The following LAMA1 variants were observed in gnomAD, a reference collection of about 807,000 sequenced individuals.
LAMA1 encodes the protein laminin subunit alpha 1.
Under a neutral mutation model 348.7 loss-of-function variants are expected in LAMA1, and 219 were observed. That is an observed-to-expected ratio of 0.63 (90% CI 0.56 to 0.70). The LOEUF is 0.70. Ranked by LOEUF, LAMA1 falls within the 30% of genes least tolerant of loss-of-function variation. The probability of loss-of-function intolerance (pLI) is 0.00; values close to 1 mark genes in which losing one functional copy is unlikely to be tolerated. For synonymous variants in LAMA1, 1,487 were observed against 1,491.0 expected, an observed-to-expected ratio of 1.00 and a Z score of 0.06; for missense variants, 3,744 against 3,888.0, an observed-to-expected ratio of 0.96 and a Z score of 0.99.
intron 3 of LAMA1, among the ~76,000 whole-genome samples, chr18:7,063,542 T>C (rs1056110516): frequency 1.3e-5 from 2 of 152,200 alleles, no homozygotes; most frequent in Admixed American, 6.5e-5. Flanking sequence ...CGAATACACA[T>C]GTACACCAAT....
At position 6,955,129 on chromosome 18, in the gene LAMA1, C is replaced by A. The variant is rs576542439; in HGVS notation, c.8207+224G>T. ...ACACAGAAAGGGGAAGCCAGCCACT[C>A]TCCAGAAGGGAAAAGGCAGAAACCA... On this transcript the variant is annotated intron_variant, in intron 57 of 62. Coordinates refer to ENST00000389658, the MANE Select transcript of LAMA1 (RefSeq NM_005559.4). 5 of 573,460 alleles carry A rather than the reference C, an allele frequency of 8.7e-6. No homozygotes were observed. The South Asian group carries it at 9.9e-5, about 11-fold the overall frequency. 35.5% of individuals were successfully genotyped at this position (573,460 alleles called of 1,614,324 possible). A position where few individuals can be genotyped will look rare whatever the true frequency, so the allele number is the denominator to read the frequency against.
chr18:7,015,581 A>G, intron 22 of LAMA1, 141 bp downstream of exon 22: 1 of 1,010,788 alleles, frequency 9.9e-7, no homozygotes, highest in Non-Finnish European at 1.5e-6. Flanking sequence ...TGCCTGGCCC[A>G]CATTGAGTTT....
At chr18:7,048,102 T>C (rs1052893903) in intron 5 of LAMA1, among the ~76,000 whole-genome samples, 2 of 152,234 alleles carry the variant, frequency 1.3e-5, no homozygotes, top group African/African-American at 4.8e-5. Context: ...AGAACGGATA[T>C]GTTTGCAATA....
intron 58 of LAMA1, among the ~76,000 whole-genome samples, 156 bp from the exon 59 acceptor site, chr18:6,949,415 G>A (rs772681034): frequency 4.6e-5 from 7 of 152,198 alleles, no homozygotes; most frequent in Admixed American, 2.0e-4. Context: ...AGTTGGTGAC[G>A]AAAAGTGGAT....
At chr18:6,999,725 T>C (rs2057799213) in intron 31 of LAMA1, 87 bp from the exon 32 acceptor site, 4 of 1,285,816 alleles carry the variant, frequency 3.1e-6, no homozygotes, top group East Asian at 2.5e-5. Flanking sequence ...CCAAATGAAA[T>C]GCAAAGCACA....
At chr18:7,068,557 ACT>A (rs1335621927) in intron 3 of LAMA1, among the ~76,000 whole-genome samples, 2 of 152,192 alleles carry the variant, frequency 1.3e-5, no homozygotes, top group African/African-American at 4.8e-5. Flanking sequence ...TTTTTAAATA[ACT>A]TTTTTCTTAT....
chr18:7,023,711 C>T (rs1488530202), intron 18 of LAMA1, among the ~76,000 whole-genome samples: 2 of 152,184 alleles, frequency 1.3e-5, no homozygotes, highest in Admixed American at 1.3e-4. Flanking sequence ...AAAGACAGCA[C>T]TGGCCTTCAG....
At chr18:6,945,173 G>A (rs2057516292) in intron 61 of LAMA1, among the ~76,000 whole-genome samples, 2 of 152,108 alleles carry the variant, frequency 1.3e-5, no homozygotes, top group Non-Finnish European at 2.9e-5. Context: ...GGGATTACAG[G>A]TGTTAGCCAC....
rs79497917 is a variant in LAMA1 at position 7,011,372 on chromosome 18, G to A, written c.3615C>T (p.Ala1205=). Residue 1205 remains alanine (A), a synonymous_variant, in exon 25 of 63, where the codon GCC becomes GCT. Coordinates refer to ENST00000389658, the MANE Select transcript of LAMA1 (RefSeq NM_005559.4). The part of the protein sequence containing the change: ...YYQAPDFLLD[A]ATVRQHIRAE... The stretch of plus-strand genomic sequence containing the variant: ...CACGGATGTGCTGCCGGACGGTGGC[G>A]GCATCCAGCAGGAAGTCGGGGGCCT... 5,390 of 1,611,582 alleles carry A rather than the reference G, an allele frequency of 3.3e-3. 150 individuals carry two copies. The African/African-American group carries it at 0.06, about 18-fold the overall frequency.
chr18:7,059,538 C>G (rs1051838546), intron 3 of LAMA1, among the ~76,000 whole-genome samples: 2 of 152,174 alleles, frequency 1.3e-5, no homozygotes, highest in African/African-American at 4.8e-5. Context: ...TCAATCTTAA[C>G]TTAAATATAT....
At position 7,016,505 on chromosome 18, in the gene LAMA1, T is replaced by C; in HGVS notation, c.2975A>G (p.Asp992Gly). ...RCAHGFYAYQ[D>G]GSCTPCDCPH... ...TCAAGGCTTACGTGTACAGCTACCATCCTGGTAGGCGTAGAAGCCATGGGC... is the reference window on the plus strand; with the variant it reads ...TCAAGGCTTACGTGTACAGCTACCACCCTGGTAGGCGTAGAAGCCATGGGC... Residue 992 changes from aspartate (D) to glycine (G), a missense_variant, in exon 21 of 63, where the codon GAT (aspartate) becomes GGT (glycine). Physicochemically the swap from Asp to Gly is moderately conservative, Grantham distance 94. Coordinates refer to ENST00000389658, the MANE Select transcript of LAMA1 (RefSeq NM_005559.4). 1.9e-6 allele frequency: 3 copies of C among 1,614,174 alleles called. No homozygotes were observed. Among genetic ancestry groups the C allele is most frequent in the Non-Finnish European group, 2.5e-6 (3 of 1,180,036 alleles).
At chr18:7,001,240 G>A (rs965750270) in intron 30 of LAMA1, among the ~76,000 whole-genome samples, 2 of 151,848 alleles carry the variant, frequency 1.3e-5, no homozygotes, top group Admixed American at 6.6e-5. Flanking sequence ...TCTTTTCTCC[G>A]TGTTTGTAAA....
At chr18:6,956,861 A>C (rs2057581405) in intron 55 of LAMA1, 96 bp from the exon 56 acceptor site, 9 of 1,363,268 alleles carry the variant, frequency 6.6e-6, no homozygotes, top group Non-Finnish European at 4.1e-6. Context: ...AAATCAATTA[A>C]AAACCATGTA....
In LAMA1 at chr18:7,012,046, G is replaced by A. The variant is rs2057862927; in HGVS notation, c.3456C>T (p.Cys1152=). ...DNPLGCSPCF[C]SGLSHLCSEL... ...CTGAGCAGAGGTGGGACAGCCCGGA[G>A]CAGAAGCACGGGCTGCAGCCCAGGG... Residue 1152 remains cysteine (C), a synonymous_variant, in exon 24 of 63, where the codon TGC becomes TGT. Transcript: ENST00000389658. The A allele has an allele frequency of 1.2e-6, 2 of 1,611,692 alleles. No individual in the cohort carries two copies. The highest frequency in any genetic ancestry group is 1.7e-6 in the Non-Finnish European group (2 of 1,178,782).
intron 53 of LAMA1, 131 bp from the exon 54 acceptor site, chr18:6,959,623 A>G: frequency 1.1e-6 from 1 of 905,644 alleles, no homozygotes. Context: ...GAATCTCTTC[A>G]GCTGTCACAA....
Position 6,999,899 on chromosome 18 carries a change from C to A in LAMA1, c.4469+12G>T, listed in dbSNP as rs1468907052. ...TGCCCAGGGATTTCCACATGACAAT[C>A]CACCCATGTACCTTTCACAGTGTTT... On this transcript the variant is annotated intron_variant, in intron 31 of 62. Coordinates refer to ENST00000389658, the MANE Select transcript of LAMA1 (RefSeq NM_005559.4). 1 of 1,610,404 alleles carries A rather than the reference C, an allele frequency of 6.2e-7. No homozygotes were observed. The highest frequency in any genetic ancestry group is 8.5e-7 in the Non-Finnish European group (1 of 1,176,716).
At chr18:7,035,532 C>T (rs906237293) in intron 13 of LAMA1, among the ~76,000 whole-genome samples, 4 of 152,002 alleles carry the variant, frequency 2.6e-5, no homozygotes, top group Non-Finnish European at 5.9e-5. Context: ...AAGCCATCCT[C>T]CTGCCTCACC....
Position 6,942,194 on chromosome 18 carries a change from C to A in LAMA1, c.9113G>T (p.Gly3038Val). 6.2e-7 allele frequency: 1 copy of A among 1,614,158 alleles called. No homozygotes were observed. Among genetic ancestry groups the A allele is most frequent in the African/African-American group, 1.3e-5 (1 of 75,044 alleles). Reference sequence around the variant, plus strand: ...AATCAGAGCTAGCTTCCTCAAACACCCGCGGAACGAGGTCTGGCTGCGCAG... The same window carrying A: ...AATCAGAGCTAGCTTCCTCAAACACACGCGGAACGAGGTCTGGCTGCGCAG... ...KCLRSQTSFR[G>V]CLRKLALIKS... is the part of the protein sequence containing the mutation. The change falls in exon 63 of 63, where the codon GGG (glycine) becomes GTG (valine). Residue 3038 changes from glycine to valine, a missense_variant. Transcript: ENST00000389658.
intron 3 of LAMA1, among the ~76,000 whole-genome samples, chr18:7,052,389 C>A (rs903786739): frequency 1.3e-5 from 2 of 151,486 alleles, no homozygotes; most frequent in Admixed American, 6.6e-5. Flanking sequence ...TGAGATTGCA[C>A]CACTGCACTC....
Sources: gnomAD v4.1 joint callset for allele counts (sites outside exome capture counted in the v4.1 genomes callset) on GRCh38, gnomAD v4.1.1 for gene constraint, MANE v1.5 for transcripts, NCBI Gene and HGNC (gene_info 2026-07-23, HGNC 2026-07-21) for gene names.